The following EPS8 variants were observed in gnomAD, a reference collection of about 807,000 sequenced individuals.
EPS8 encodes the protein EGFR pathway substrate 8, signaling adaptor, also known as epidermal growth factor receptor kinase substrate 8.
EPS8 carries 42 observed loss-of-function variants against 103.8 expected under a neutral mutation model. The observed-to-expected ratio is 0.40, with a 90% CI of 0.32 to 0.52. The LOEUF (loss-of-function observed/expected upper bound fraction) is 0.52. Ranked by LOEUF, EPS8 falls within the 20% of genes least tolerant of loss-of-function variation. The pLI, the probability that EPS8 is intolerant of heterozygous loss-of-function variation, is 0.40. For synonymous variants in EPS8, 344 were observed against 344.6 expected, an observed-to-expected ratio of 1.00 and a Z score of 0.02; for missense variants, 969 against 1,005.1, an observed-to-expected ratio of 0.96 and a Z score of 0.49.
At position 15,755,774 on chromosome 12, in the gene EPS8, C is replaced by G. The variant is rs1479944692; in HGVS notation, c.-22+33387G>C. Among the ~76,000 whole-genome samples, 7 of 152,206 alleles carry G rather than the reference C, an allele frequency of 4.6e-5. No homozygotes were observed. The East Asian group carries it at 1.4e-3, about 29-fold the overall frequency. Reference sequence around the variant, plus strand: ...TCTGCTGCCATTCAAAAGTCTTCCCCCAATGATTCCTTCCTGTCCCTACAT... The same window carrying G: ...TCTGCTGCCATTCAAAAGTCTTCCCGCAATGATTCCTTCCTGTCCCTACAT... On this transcript the variant is annotated intron_variant, in intron 1 of 20. Transcript: ENST00000281172.
rs1025825918 is a variant in EPS8, at chr12:15,760,627, A to G, written c.-22+28534T>C. ...TAACCAGGTGGGATAAATCCCACCA[A>G]TACAAGAATGGTTCAACATAAACAA... On this transcript the variant is annotated intron_variant, in intron 1 of 20. Transcript: ENST00000281172. The surrounding 1 kb of genome is among the most constrained non-coding windows in gnomAD (Gnocchi z 4.5). Among the ~76,000 whole-genome samples, 5 of 152,142 alleles carry G rather than the reference A, an allele frequency of 3.3e-5. No homozygotes were observed. Among genetic ancestry groups the G allele is most frequent in the African/African-American group, 1.2e-4 (5 of 41,464 alleles).
intron 1 of EPS8, among the ~76,000 whole-genome samples, chr12:15,712,070 A>T (rs1256624710): frequency 6.6e-6 from 1 of 152,200 alleles, no homozygotes; most frequent in Non-Finnish European, 1.5e-5. Flanking sequence ...AATCAATAAG[A>T]ACTACTTATA....
intron 1 of EPS8, among the ~76,000 whole-genome samples, chr12:15,740,513 C>T (rs1488129604): frequency 6.6e-6 from 1 of 151,760 alleles, no homozygotes; most frequent in South Asian, 2.1e-4. Flanking sequence ...CCACTACACT[C>T]CAGCCTGGGC....
chr12:15,646,109 C>A (rs1204158605), intron 15 of EPS8, among the ~76,000 whole-genome samples: 1 of 151,914 alleles, frequency 6.6e-6, no homozygotes, highest in African/African-American at 2.4e-5. Flanking sequence ...GTAATTAAAA[C>A]ATTCTCATAT....
chr12:15,636,409 A>T (rs1187451050), intron 17 of EPS8, among the ~76,000 whole-genome samples: 1 of 152,130 alleles, frequency 6.6e-6, no homozygotes, highest in Non-Finnish European at 1.5e-5. Flanking sequence ...CATGGGGGAA[A>T]TACATTAGGT....
intron 1 of EPS8, among the ~76,000 whole-genome samples, chr12:15,788,483 A>C (rs1206650255): frequency 6.6e-6 from 1 of 152,184 alleles, no homozygotes; most frequent in Non-Finnish European, 1.5e-5. Flanking sequence ...TAGGAAGGAA[A>C]GTAAGAGTGA....
chr12:15,631,634 C>G lies in EPS8; in HGVS notation c.1852G>C (p.Ala618Pro). The change falls in exon 18 of 21, where the codon GCT becomes CCT. Residue 618 changes from alanine (A) to proline (P), a missense_variant. By Grantham distance (27) the Ala-to-Pro change is conservative. Transcript: ENST00000281172. ...KQRMEYGPRPADTPPAPSPPP... is the reference protein window; with the variant it reads ...KQRMEYGPRPPDTPPAPSPPP... The stretch of plus-strand genomic sequence containing the variant: ...GGTGATGGAGCAGGGGGAGTATCAG[C>G]TGGTCTTGGGCCATACTCCATCCTT... The G allele has an allele frequency of 6.2e-7, 1 of 1,613,758 alleles. No homozygotes were observed. Among genetic ancestry groups the G allele is most frequent in the Non-Finnish European group, 8.5e-7 (1 of 1,179,870 alleles).
chr12:15,756,431 T>C (rs925332387), intron 1 of EPS8, among the ~76,000 whole-genome samples: 1 of 152,200 alleles, frequency 6.6e-6, no homozygotes, highest in Admixed American at 6.5e-5. Context: ...ATTATTCTTA[T>C]ATCAGAACCA....
chr12:15,762,425 C>T lies in EPS8; in HGVS notation c.-22+26736G>A, dbSNP rs986798437. ...GAGCTACATTATGATCCAGCAATCG[C>T]GCTGCTAGGTATAGACCCAAAAGAA... On this transcript the variant is annotated intron_variant, in intron 1 of 20. Coordinates refer to ENST00000281172, the MANE Select transcript of EPS8 (RefSeq NM_004447.6). This position sits in a 1 kb window ranked among gnomAD's most constrained non-coding sequence, Gnocchi z 4.8. Among the ~76,000 whole-genome samples, 1 of 152,122 alleles carries T rather than the reference C, an allele frequency of 6.6e-6. No individual in the cohort carries two copies. The highest frequency in any genetic ancestry group is 1.5e-5 in the Non-Finnish European group (1 of 68,016).
chr12:15,660,930 T>TTA, intron 9 of EPS8, among the ~76,000 whole-genome samples, 190 bp from the exon 10 acceptor site: 1 of 152,318 alleles, frequency 6.6e-6, no homozygotes, highest in Admixed American at 6.5e-5. Context: ...ACATTTTTCT[T>TTA]TAGCTTACTT....
intron 1 of EPS8, among the ~76,000 whole-genome samples, chr12:15,750,312 C>T (rs1468652140): frequency 6.6e-6 from 1 of 152,136 alleles, no homozygotes; most frequent in Non-Finnish European, 1.5e-5. Flanking sequence ...TTACATGAAA[C>T]AATGTTTATT....
At chr12:15,710,775 T>C (rs1178952100) in intron 1 of EPS8, among the ~76,000 whole-genome samples, 1 of 152,172 alleles carries the variant, frequency 6.6e-6, no homozygotes. Flanking sequence ...ATTAGAAATA[T>C]CCTATAAATA....
chr12:15,782,776 A>G (rs1364974419), intron 1 of EPS8, among the ~76,000 whole-genome samples: 3 of 152,214 alleles, frequency 2.0e-5, no homozygotes, highest in African/African-American at 7.2e-5. Flanking sequence ...ACTGCATACA[A>G]TTAACTGTAG....
In EPS8 at chr12:15,665,744, A is replaced by G. The variant is rs1478330106; in HGVS notation, c.736+12T>C. On this transcript the variant is annotated intron_variant, in intron 8 of 20. Transcript: ENST00000281172. ...TAAGTGTTCAATAAGTATTAATTCT[A>G]GGAAGACTCACAGTCCCCTTGGTCG... 1 of 1,613,070 alleles carries G rather than the reference A, an allele frequency of 6.2e-7. No homozygotes were observed. The highest frequency in any genetic ancestry group is 8.5e-7 in the Non-Finnish European group (1 of 1,179,654).
chr12:15,787,100 T>A lies in EPS8; in HGVS notation c.-22+2061A>T, dbSNP rs1947319418. On this transcript the variant is annotated intron_variant, in intron 1 of 20. Coordinates refer to ENST00000281172, the MANE Select transcript of EPS8 (RefSeq NM_004447.6). This position sits in a 1 kb window ranked among gnomAD's most constrained non-coding sequence, Gnocchi z 4.9. ...AACTTCAAGTATTTAAAGAGACAAC[T>A]TTTAAAAACCTATCATTTCCTATTC... is the stretch of plus-strand genomic sequence containing the variant. 6.6e-6 allele frequency among the ~76,000 whole-genome samples: 1 copy of A among 152,182 alleles called. No individual in the cohort carries two copies. The highest frequency in any genetic ancestry group is 1.5e-5 in the Non-Finnish European group (1 of 68,008).
intron 3 of EPS8, among the ~76,000 whole-genome samples, chr12:15,677,982 C>A (rs1457921495): frequency 6.6e-6 from 1 of 152,166 alleles, no homozygotes; most frequent in African/African-American, 2.4e-5. Flanking sequence ...CATTCCTTAC[C>A]TTTACACCAA....
chr12:15,677,296 G>A (rs1945925015), intron 3 of EPS8, among the ~76,000 whole-genome samples: 1 of 152,082 alleles, frequency 6.6e-6, no homozygotes, highest in South Asian at 2.1e-4. Context: ...ATTTGTGAAA[G>A]ACAGCAGCCA....
intron 2 of EPS8, 45 bp from the exon 3 acceptor site, chr12:15,681,347 C>A (rs1387076168): frequency 2.3e-6 from 2 of 863,504 alleles, no homozygotes; most frequent in South Asian, 7.6e-5. Flanking sequence ...ATAAAAAGGT[C>A]ATTGTGTTGG....
At chr12:15,675,868 C>G (rs866080921) in intron 3 of EPS8, among the ~76,000 whole-genome samples, 2 of 152,286 alleles carry the variant, frequency 1.3e-5, no homozygotes, top group Middle Eastern at 6.8e-3. Context: ...CTATTCAGAA[C>G]ATAGAATAAT....
Sources: gnomAD v4.1 joint callset for allele counts (sites outside exome capture counted in the v4.1 genomes callset) on GRCh38, gnomAD v4.1.1 for gene constraint, Gnocchi (gnomAD v3.1) non-coding constraint, MANE v1.5 for transcripts, NCBI Gene and HGNC (gene_info 2026-07-23, HGNC 2026-07-21) for gene names.